Variants in EXT2 observed in about 807,000 individuals in gnomAD.
EXT2 encodes the protein exostosin glycosyltransferase 2.
Under a neutral mutation model 81.6 loss-of-function variants are expected in EXT2, and 53 were observed. That is an observed-to-expected ratio of 0.65 (90% CI 0.52 to 0.82). The LOEUF (loss-of-function observed/expected upper bound fraction) is 0.82, where lower values mean the gene tolerates loss of function less well. Ranked by LOEUF, EXT2 falls within the 40% of genes least tolerant of loss-of-function variation. The pLI, the probability that EXT2 is intolerant of heterozygous loss-of-function variation, is 0.00. For missense variants in EXT2, 774 were observed against 910.2 expected, an observed-to-expected ratio of 0.85 and a Z score of 1.93; for synonymous variants, 320 against 340.0, an observed-to-expected ratio of 0.94 and a Z score of 0.65.
chr11:44,167,397 G>A (rs781707783), intron 7 of EXT2, among the ~76,000 whole-genome samples: 2 of 152,132 alleles, frequency 1.3e-5, no homozygotes, highest in Non-Finnish European at 2.9e-5. Flanking sequence ...GGTATTCAAG[G>A]CCTGCCAAGG....
At chr11:44,123,311 A>C (rs996230611) in intron 4 of EXT2, among the ~76,000 whole-genome samples, 1 of 152,248 alleles carries the variant, frequency 6.6e-6, no homozygotes, top group Non-Finnish European at 1.5e-5. Flanking sequence ...ACAAACAAAC[A>C]AAAAATGGAT....
intron 7 of EXT2, among the ~76,000 whole-genome samples, chr11:44,137,615 C>G (rs907546464): frequency 6.6e-6 from 1 of 151,758 alleles, no homozygotes; most frequent in Admixed American, 6.6e-5. Context: ...TCCCTGGTAG[C>G]CTTGGTCTGT....
chr11:44,175,218 A>C (rs1238547835), intron 8 of EXT2, among the ~76,000 whole-genome samples: 1 of 152,184 alleles, frequency 6.6e-6, no homozygotes, highest in African/African-American at 2.4e-5. Flanking sequence ...GACTGTTCTA[A>C]TTGGTAAGTG....
At chr11:44,124,483 A>ACACACACAC (rs1555005251) in intron 4 of EXT2, among the ~76,000 whole-genome samples, 1 of 144,280 alleles carries the variant, frequency 6.9e-6, no homozygotes, top group African/African-American at 2.6e-5. Context: ...ACACACACAC[A>ACACACACAC]ATTTATAGCA....
chr11:44,236,665 A>G (rs1369982098), intron 13 of EXT2, among the ~76,000 whole-genome samples: 2 of 152,194 alleles, frequency 1.3e-5, no homozygotes, highest in Non-Finnish European at 2.9e-5. Context: ...ATCTACAGTC[A>G]TTGAGTGGAA....
At position 44,234,143 on chromosome 11, in the gene EXT2, T is replaced by C. The variant is rs756136701; in HGVS notation, c.1835T>C (p.Met612Thr). Residue 612 changes from methionine (M) to threonine (T), a missense_variant, in exon 12 of 14, where the codon ATG (methionine) becomes ACG (threonine). By Grantham distance (81) the Met-to-Thr change is moderately conservative. Around this residue, in one of 2 missense-constraint regions of EXT2, gnomAD observed 148 missense variants for 239.7 expected, o/e 0.62. Coordinates refer to ENST00000533608, the MANE Select transcript of EXT2 (RefSeq NM_207122.2). ...KYFNYLYTYK[M>T]PGDIKNWVDA... ...TTTAATTACCTGTATACCTACAAAA[T>C]GCCTGGGGATATCAAGAACTGGGTA... 1.2e-6 allele frequency: 2 copies of C among 1,614,166 alleles called. No homozygotes were observed. Among genetic ancestry groups the C allele is most frequent in the Non-Finnish European group, 1.7e-6 (2 of 1,180,002 alleles).
chr11:44,122,818 G>GC (rs1483260412), intron 4 of EXT2, among the ~76,000 whole-genome samples: 1 of 152,192 alleles, frequency 6.6e-6, no homozygotes, highest in Non-Finnish European at 1.5e-5. Context: ...CTGTCAGGCA[G>GC]CCCCAGCCAC....
At chr11:44,135,611 C>T (rs976584026) in intron 7 of EXT2, among the ~76,000 whole-genome samples, 14 of 152,016 alleles carry the variant, frequency 9.2e-5, no homozygotes, top group Admixed American at 2.6e-4. Context: ...AGGCTGGTCT[C>T]GAACTCCTGA....
At chr11:44,099,813 T>C (rs892612872) in intron 1 of EXT2, among the ~76,000 whole-genome samples, 8 of 152,260 alleles carry the variant, frequency 5.3e-5, no homozygotes, top group African/African-American at 1.9e-4. Context: ...ATCCTCTCTC[T>C]GTAAAGCACT....
chr11:44,207,446 A>G (rs948447845), intron 10 of EXT2, among the ~76,000 whole-genome samples: 4 of 152,196 alleles, frequency 2.6e-5, no homozygotes, highest in Middle Eastern at 3.2e-3. Context: ...CGTTTATTCA[A>G]TGAGGCTGAT....
At chr11:44,111,623 T>C in intron 3 of EXT2, among the ~76,000 whole-genome samples, 1 of 152,222 alleles carries the variant, frequency 6.6e-6, no homozygotes. Context: ...TGTGGGTGTT[T>C]ATTTATTTAC....
chr11:44,172,578 C>CTTT (rs1955091401), intron 8 of EXT2, among the ~76,000 whole-genome samples: 1 of 122,138 alleles, frequency 8.2e-6, no homozygotes, highest in African/African-American at 3.0e-5. Context: ...CTGATTCTAC[C>CTTT]TTTTCTTTTT....
chr11:44,126,523 G>A (rs370410427), intron 5 of EXT2, among the ~76,000 whole-genome samples: 23 of 152,340 alleles, frequency 1.5e-4, no homozygotes, highest in African/African-American at 4.3e-4. Context: ...AGGAAGTCAC[G>A]TTGTTAGCTG....
chr11:44,193,771 C>A (rs1015553284), intron 8 of EXT2, among the ~76,000 whole-genome samples: 23 of 152,216 alleles, frequency 1.5e-4, no homozygotes, highest in African/African-American at 5.5e-4. Context: ...CCTTATGCTC[C>A]TTTCCATGCT....
intron 7 of EXT2, among the ~76,000 whole-genome samples, chr11:44,161,054 C>G (rs1435494609): frequency 6.6e-6 from 1 of 152,018 alleles, no homozygotes; most frequent in African/African-American, 2.4e-5. Flanking sequence ...GCATATACAT[C>G]AAAATAAAAT....
chr11:44,184,882 T>C (rs1955289342), intron 8 of EXT2, among the ~76,000 whole-genome samples: 1 of 152,242 alleles, frequency 6.6e-6, no homozygotes, highest in South Asian at 2.1e-4. Context: ...CTCTTCATTA[T>C]GGTAAATACA....
chr11:44,244,254 G>A lies in EXT2; in HGVS notation c.2124G>A (p.Lys708=), dbSNP rs773028753. ...PVLYKDDFPE[K]LKSFPNIGSL ...TGTACAAAGATGACTTTCCTGAGAAGCTGAAGAGCTTCCCCAACATTGGCA... is the reference window on the plus strand; with the variant it reads ...TGTACAAAGATGACTTTCCTGAGAAACTGAAGAGCTTCCCCAACATTGGCA... The change falls in exon 14 of 14, where the codon AAG becomes AAA. Residue 708 remains lysine (K), a synonymous_variant. Transcript: ENST00000533608. The A allele has an allele frequency of 2.5e-6, 4 of 1,614,136 alleles. No homozygotes were observed. In the South Asian group the frequency reaches 3.3e-5, roughly 13 times the overall value.
chr11:44,210,882 T>C (rs970137496), intron 10 of EXT2, among the ~76,000 whole-genome samples: 1 of 151,664 alleles, frequency 6.6e-6, no homozygotes, highest in Non-Finnish European at 1.5e-5. Context: ...CCATGTAAAT[T>C]CTTCCCAAAT....
intron 10 of EXT2, among the ~76,000 whole-genome samples, chr11:44,211,158 G>A (rs1177130409): frequency 6.6e-6 from 1 of 152,138 alleles, no homozygotes; most frequent in Non-Finnish European, 1.5e-5. Context: ...ACACATGTAT[G>A]GCCTTGTACA....
Sources: allele counts gnomAD v4.1 joint callset (sites outside exome capture counted in the v4.1 genomes callset), GRCh38; gene constraint gnomAD v4.1.1; regional missense constraint gnomAD v4.1.1; transcripts MANE v1.5; gene names NCBI Gene and HGNC (gene_info 2026-07-23, HGNC 2026-07-21).